ROBO4: variants seen among roughly 807,000 people sequenced by gnomAD.
The protein encoded by ROBO4 is roundabout homolog 4.
ROBO4 carries 80 observed loss-of-function variants against 103.3 expected under a neutral mutation model. That is an observed-to-expected ratio of 0.77 (90% CI 0.65 to 0.93). The LOEUF (loss-of-function observed/expected upper bound fraction) is 0.93. Ranked by LOEUF, ROBO4 falls within the 40% of genes least tolerant of loss-of-function variation. The pLI is 0.00. For missense variants in ROBO4, 1,333 were observed against 1,305.3 expected (o/e 1.02, Z -0.33); for synonymous variants, 504 against 529.7 (o/e 0.95, Z 0.67).
At chr11:124,890,314 A>C (rs562177209) in intron 12 of ROBO4, among the ~76,000 whole-genome samples, 1 of 152,068 alleles carries the variant, frequency 6.6e-6, no homozygotes, top group African/African-American at 2.4e-5. Flanking sequence ...TAAAAGTTGG[A>C]TTAAATCCAC....
chr11:124,894,171 G>T (rs776030970), intron 8 of ROBO4, 30 bp downstream of exon 8: 20 of 1,589,782 alleles, frequency 1.3e-5, no homozygotes, highest in Non-Finnish European at 1.5e-5. Context: ...AGGCTGAAGG[G>T]TAGGGTGGGT....
Position 124,893,908 on chromosome 11 carries a change from C to A in ROBO4, c.1456G>T (p.Ala486Ser). 6.2e-7 allele frequency: 1 copy of A among 1,611,754 alleles called. No individual in the cohort carries two copies. Among genetic ancestry groups the A allele is most frequent in the Non-Finnish European group, 8.5e-7 (1 of 1,179,692 alleles). The change falls in exon 9 of 18, where the codon GCC becomes TCC. Residue 486 changes from alanine (A) to serine (S), a missense_variant. By Grantham distance (99) the Ala-to-Ser change is moderately conservative (BLOSUM62 1). Transcript: ENST00000306534. Reference sequence around the variant, plus strand: ...CGGCGCCGGCGGTGGATACACACGGCGGTGCCCAGAAGCAGCAGCCAGAGT... The same window carrying A: ...CGGCGCCGGCGGTGGATACACACGGAGGTGCCCAGAAGCAGCAGCCAGAGT... ...VALWLLLLGT[A>S]VCIHRRRRAR...
rs770718501 is a variant in ROBO4 at position 124,897,772 on chromosome 11, G to C, written c.24C>G (p.Leu8=). The change falls in exon 1 of 18, where the codon CTC becomes CTG. Residue 8 remains leucine, a synonymous_variant. Transcript: ENST00000306534. The part of the protein sequence containing the change: MGSGGDS[L]LGGRGSLPLL... The stretch of plus-strand genomic sequence containing the variant: ...GAGGCAGGGAACCCCTGCCCCCCAG[G>C]AGGCTGTCTCCTCCAGAGCCCATGG... 4 of 1,613,874 alleles carry C rather than the reference G, an allele frequency of 2.5e-6. No individual in the cohort carries two copies. The South Asian group carries it at 3.3e-5, about 13-fold the overall frequency.
At chr11:124,894,175 G>A (rs112757825) in intron 8 of ROBO4, 26 bp downstream of exon 8, 5 of 1,593,512 alleles carry the variant, frequency 3.1e-6, no homozygotes, top group African/African-American at 2.7e-5. Context: ...TGAAGGGTAG[G>A]GTGGGTCTGT....
chr11:124,895,966 A>G, intron 4 of ROBO4, 54 bp from the exon 5 acceptor site: 1 of 1,606,310 alleles, frequency 6.2e-7, no homozygotes, highest in Non-Finnish European at 8.5e-7. Context: ...GACAGAACTG[A>G]GGCGTGGAAC....
At position 124,886,271 on chromosome 11, in the gene ROBO4, T is replaced by C. The variant is rs910196628; in HGVS notation, c.2794+193A>G. 1.7e-5 allele frequency: 9 copies of C among 515,418 alleles called. No homozygotes were observed. The South Asian group carries it at 2.7e-4, about 16-fold the overall frequency. The allele number at this position is 515,418 out of a possible 1,614,324, so 31.9% of individuals were successfully genotyped here. A position where few individuals can be genotyped will look rare whatever the true frequency, so the allele number is the denominator to read the frequency against. On this transcript the variant is annotated intron_variant, in intron 16 of 17. Coordinates refer to ENST00000306534, the MANE Select transcript of ROBO4 (RefSeq NM_019055.6). ...TAAAATTATCTGACTTACAGTTTCC[T>C]CATTAGGATAAGAGAGATAAAGAAT...
intron 6 of ROBO4, 55 bp downstream of exon 6, chr11:124,895,402 A>C (rs1020744434): frequency 6.5e-7 from 1 of 1,538,110 alleles, no homozygotes; most frequent in African/African-American, 1.4e-5. Flanking sequence ...GGGGCCCCCA[A>C]ATAAGAAGGA....
chr11:124,896,791 C>T, intron 2 of ROBO4, 121 bp from the exon 3 acceptor site: 1 of 1,510,676 alleles, frequency 6.6e-7, no homozygotes, highest in South Asian at 1.3e-5. Flanking sequence ...CAGCCCCGCC[C>T]CAGCTTGCCC....
rs1421866530 is a variant in ROBO4, at chr11:124,895,952, GA to G, written c.680-41del. The G allele has an allele frequency of 7.4e-6, 12 of 1,610,848 alleles. No homozygotes were observed. In the Admixed American group the frequency reaches 2.0e-4, roughly 27 times the overall value. The stretch of plus-strand genomic sequence containing the variant: ...GGGCTGGGCTGGGGCTTATAGGCCA[GA>G]GTGACAGAACTGAGGCGTGGAACAT... On this transcript the variant is annotated intron_variant, in intron 4 of 17. Transcript: ENST00000306534.
In ROBO4 at chr11:124,895,184, G is replaced by A. The variant is rs138607370; in HGVS notation, c.1046C>T (p.Ala349Val). ...LLRLPEKVPS[A>V]PPQEVTLKPG... ...CTTTAGAGTCACTTCCTGAGGTGGG[G>A]CACTGGGCACTGGAGGGGTGGAAGA... The change falls in exon 7 of 18, where the codon GCC becomes GTC. Residue 349 changes from alanine (A) to valine (V), a missense_variant. Physicochemically the swap from Ala to Val is moderately conservative, Grantham distance 64. Coordinates refer to ENST00000306534, the MANE Select transcript of ROBO4 (RefSeq NM_019055.6). The A allele has an allele frequency of 1.2e-5, 20 of 1,612,970 alleles. No individual in the cohort carries two copies. Among genetic ancestry groups the A allele is most frequent in the African/African-American group, 2.7e-5 (2 of 75,016 alleles).
At position 124,895,107 on chromosome 11, in the gene ROBO4, G is replaced by T; in HGVS notation, c.1123C>A (p.His375Asn). ...TGGTAGCCACGGATGATGCCATTGT[G>T]GTTTTCAGCAGGTGGTGGGACCCAG... is the stretch of plus-strand genomic sequence containing the variant. ...VSWVPPPAEN[H>N]NGIIRGYQVW... The change falls in exon 7 of 18, where the codon CAC (histidine) becomes AAC (asparagine). Residue 375 changes from histidine to asparagine, a missense_variant. Transcript: ENST00000306534. The T allele has an allele frequency of 6.2e-7, 1 of 1,614,052 alleles. No individual in the cohort carries two copies. The highest frequency in any genetic ancestry group is 2.2e-5 in the East Asian group (1 of 44,886).
intron 16 of ROBO4, 197 bp downstream of exon 16, chr11:124,886,267 T>C: frequency 2.0e-6 from 1 of 508,800 alleles, no homozygotes; most frequent in Non-Finnish European, 3.4e-6. Context: ...GACTTACAGT[T>C]TCCTCATTAG....
At chr11:124,896,810 C>T (rs1290974603) in intron 2 of ROBO4, 122 bp downstream of exon 2, 22 of 1,514,884 alleles carry the variant, frequency 1.5e-5, no homozygotes, top group Non-Finnish European at 1.9e-5. Context: ...CCTCCCAAGC[C>T]TTCCAGCCCA....
chr11:124,887,857 GGT>G lies in ROBO4; in HGVS notation c.1949-19_1949-18del, dbSNP rs1195175602. ...GCTGCAGCTCTGCAAAGAAAGGGTTGGTGGTTGTGGGGCCCAGGATGGACTTT... is the reference window on the plus strand; with the variant it reads ...GCTGCAGCTCTGCAAAGAAAGGGTTGGGTTGTGGGGCCCAGGATGGACTTT... On this transcript the variant is annotated intron_variant, in intron 12 of 17. Transcript: ENST00000306534. The G allele has an allele frequency of 7.5e-6, 12 of 1,604,314 alleles. No individual in the cohort carries two copies. Among genetic ancestry groups the G allele is most frequent in the Non-Finnish European group, 9.4e-6 (11 of 1,174,596 alleles).
At position 124,893,843 on chromosome 11, in the gene ROBO4, C is replaced by T. The variant is rs1303262052; in HGVS notation, c.1504+17G>A. ...TGAGGAGGCCTGTATACATGTGGGT[C>T]CCCCTCAGACTCTCACCTGGGCCCA... On this transcript the variant is annotated intron_variant, in intron 9 of 17. Coordinates refer to ENST00000306534, the MANE Select transcript of ROBO4 (RefSeq NM_019055.6). 1.2e-6 allele frequency: 2 copies of T among 1,611,482 alleles called. No homozygotes were observed. Among genetic ancestry groups the T allele is most frequent in the Admixed American group, 3.3e-5 (2 of 59,886 alleles).
In ROBO4 at chr11:124,894,028, C is replaced by T; in HGVS notation, c.1336G>A (p.Ala446Thr). 1 of 1,552,284 alleles carries T rather than the reference C, an allele frequency of 6.4e-7. No individual in the cohort carries two copies. The highest frequency in any genetic ancestry group is 8.7e-7 in the Non-Finnish European group (1 of 1,149,572). The change falls in exon 9 of 18, where the codon GCC becomes ACC. Residue 446 changes from alanine (A) to threonine (T), a missense_variant. Physicochemically the swap from Ala to Thr is moderately conservative, Grantham distance 58 (BLOSUM62 0). Coordinates refer to ENST00000306534, the MANE Select transcript of ROBO4 (RefSeq NM_019055.6). Reference sequence around the variant, plus strand: ...CCATGCTCACTGGGTTCTTGGGTGGCTCGCTCCATGGCCTGCTCTGTATGG... The same window carrying T: ...CCATGCTCACTGGGTTCTTGGGTGGTTCGCTCCATGGCCTGCTCTGTATGG... ...CLLLEQAMER[A>T]TQEPSEHGPW...
intron 1 of ROBO4, chr11:124,897,495 T>C (rs1230602776): frequency 1.5e-5 from 8 of 532,358 alleles, no homozygotes; most frequent in South Asian, 1.4e-4. Flanking sequence ...CTCTCTCTCT[T>C]ACTTTCTCTC....
chr11:124,889,026 C>T (rs913840369), intron 12 of ROBO4, among the ~76,000 whole-genome samples: 1 of 152,122 alleles, frequency 6.6e-6, no homozygotes, highest in Admixed American at 6.5e-5. Flanking sequence ...CTGGGGGCCA[C>T]TACGGGCAGC....
In ROBO4 at chr11:124,897,265, G is replaced by T; in HGVS notation, c.71-4C>A. On this transcript the variant is annotated splice_polypyrimidine_tract_variant and splice_region_variant and intron_variant, in intron 1 of 17. Coordinates refer to ENST00000306534, the MANE Select transcript of ROBO4 (RefSeq NM_019055.6). ...GGGGAGTCCTGAGCCATGCCTCCTG[G>T]GAGGGAAAGGGAGCAGAGCCCAGTC... 1.4e-6 allele frequency: 2 copies of T among 1,433,426 alleles called. No individual in the cohort carries two copies. The highest frequency in any genetic ancestry group is 3.0e-5 in the South Asian group (2 of 67,146). 88.8% of individuals were successfully genotyped at this position (1,433,426 alleles called of 1,614,324 possible). A position where few individuals can be genotyped will look rare whatever the true frequency, so the allele number is the denominator to read the frequency against.
Sources: gnomAD v4.1 joint callset for allele counts (sites outside exome capture counted in the v4.1 genomes callset) on GRCh38, gnomAD v4.1.1 for gene constraint, MANE v1.5 for transcripts, NCBI Gene and HGNC (gene_info 2026-07-23, HGNC 2026-07-21) for gene names.